Variants in LAP3 observed in about 807,000 individuals in gnomAD.
LAP3 encodes the protein cytosol aminopeptidase.
LAP3 carries 46 observed loss-of-function variants against 58.8 expected under a neutral mutation model. The observed-to-expected ratio is 0.78, with a 90% CI of 0.62 to 1.00. LAP3 has a LOEUF of 1.00. LAP3 is among the 50% of genes least tolerant of loss of function. The pLI, the probability that LAP3 is intolerant of heterozygous loss-of-function variation, is 0.00. For synonymous variants in LAP3, 257 were observed against 237.7 expected, an observed-to-expected ratio of 1.08 and a Z score of -0.75; for missense variants, 615 against 659.1, an observed-to-expected ratio of 0.93 and a Z score of 0.73.
intron 11 of LAP3, among the ~76,000 whole-genome samples, chr4:17,605,711 G>A (rs949971132): frequency 1.3e-5 from 2 of 151,922 alleles, no homozygotes; most frequent in East Asian, 1.9e-4. Context: ...CTTCCAGGCC[G>A]GGCCAGGAAC....
chr4:17,607,046 T>C, intron 12 of LAP3, 108 bp downstream of exon 12: 1 of 667,244 alleles, frequency 1.5e-6, no homozygotes, highest in Non-Finnish European at 2.5e-6. Context: ...TTAATTTCCT[T>C]TTGGTGTAGT....
At chr4:17,591,943 C>T (rs575707020) in intron 7 of LAP3, among the ~76,000 whole-genome samples, 4 of 144,792 alleles carry the variant, frequency 2.8e-5, no homozygotes, top group Non-Finnish European at 6.0e-5. Flanking sequence ...AAGTGGCCAG[C>T]TCAATGAGTT....
chr4:17,585,291 G>A, intron 6 of LAP3, 155 bp downstream of exon 6: 1 of 587,828 alleles, frequency 1.7e-6, no homozygotes, highest in Non-Finnish European at 3.0e-6. Flanking sequence ...GAATAGAGCT[G>A]AGTTTGAGGT....
At position 17,577,477 on chromosome 4, in the gene LAP3, G is replaced by A. The variant is rs746748058; in HGVS notation, c.12G>A (p.Leu4=). 4 of 1,579,262 alleles carry A rather than the reference G, an allele frequency of 2.5e-6. No homozygotes were observed. Among genetic ancestry groups the A allele is most frequent in the Non-Finnish European group, 3.4e-6 (4 of 1,164,426 alleles). Residue 4 remains leucine (L), a synonymous_variant, in exon 1 of 13, where the codon CTG becomes CTA. Transcript: ENST00000226299. ...GCCGAGCCGACAAGATGTTCTTGCTGCCTCTTCCGGCTGCGGGGCGAGTAG... is the reference window on the plus strand; with the variant it reads ...GCCGAGCCGACAAGATGTTCTTGCTACCTCTTCCGGCTGCGGGGCGAGTAG... MFL[L]PLPAAGRVVV... is the part of the protein sequence containing the mutation.
chr4:17,605,446 G>A (rs1714101942), intron 11 of LAP3, among the ~76,000 whole-genome samples: 1 of 152,174 alleles, frequency 6.6e-6, no homozygotes, highest in South Asian at 2.1e-4. Context: ...TCTCTCCCGA[G>A]TCCCAGCCTC....
rs1306852820 is a variant in LAP3, at chr4:17,582,351, A to G, written c.337A>G (p.Asn113Asp). The G allele has an allele frequency of 9.3e-6, 15 of 1,614,028 alleles. No individual in the cohort carries two copies. Among genetic ancestry groups the G allele is most frequent in the Non-Finnish European group, 1.3e-5 (15 of 1,180,016 alleles). The change falls in exon 4 of 13, where the codon AAC (asparagine) becomes GAC (aspartate). Residue 113 changes from asparagine to aspartate, a missense_variant. Coordinates refer to ENST00000226299, the MANE Select transcript of LAP3 (RefSeq NM_015907.3). ...KKAAGIDEQENWHEGKENIRA... is the reference protein window; with the variant it reads ...KKAAGIDEQEDWHEGKENIRA... The stretch of plus-strand genomic sequence containing the variant: ...GGCAGCTGGAATCGACGAACAGGAA[A>G]ACTGGCATGAAGGCAAAGAAAACAT...
chr4:17,588,815 A>G lies in LAP3; in HGVS notation c.705-4A>G, dbSNP rs767401355. 29 of 1,612,974 alleles carry G rather than the reference A, an allele frequency of 1.8e-5. No homozygotes were observed. Among genetic ancestry groups the G allele is most frequent in the Non-Finnish European group, 2.5e-5 (29 of 1,179,358 alleles). The stretch of plus-strand genomic sequence containing the variant: ...TTTACTTTTTCCCTCTTTCTACCCT[A>G]TAGACCCAAGTCTTGGATTGAGGAA... On this transcript the variant is annotated splice_polypyrimidine_tract_variant and splice_region_variant and intron_variant, in intron 6 of 12. Transcript: ENST00000226299.
At chr4:17,582,996 C>T (rs911959613) in intron 4 of LAP3, among the ~76,000 whole-genome samples, 1 of 152,218 alleles carries the variant, frequency 6.6e-6, no homozygotes, top group South Asian at 2.1e-4. Context: ...AACTTTACTT[C>T]AAATATCATT....
chr4:17,598,910 T>C (rs776769212), intron 10 of LAP3, among the ~76,000 whole-genome samples: 3 of 151,990 alleles, frequency 2.0e-5, no homozygotes, highest in Non-Finnish European at 4.4e-5. Context: ...CGAATTTTTG[T>C]ATTTTTAGTA....
chr4:17,596,080 G>C (rs950832707), intron 8 of LAP3, among the ~76,000 whole-genome samples: 2 of 152,062 alleles, frequency 1.3e-5, no homozygotes, highest in African/African-American at 2.4e-5. Flanking sequence ...ATAATGCCCT[G>C]ACTCTTGTCC....
At chr4:17,578,517 A>T (rs1047062620) in intron 1 of LAP3, among the ~76,000 whole-genome samples, 14 of 144,754 alleles carry the variant, frequency 9.7e-5, no homozygotes, top group African/African-American at 3.3e-4. Flanking sequence ...CTGGGCGGGA[A>T]GACATCTGGA....
chr4:17,590,172 G>C (rs908389944), intron 7 of LAP3, among the ~76,000 whole-genome samples: 2 of 152,106 alleles, frequency 1.3e-5, no homozygotes, highest in Non-Finnish European at 2.9e-5. Context: ...GACTTCTCAG[G>C]GTACAGAATA....
At chr4:17,583,033 A>G (rs1713404437) in intron 4 of LAP3, among the ~76,000 whole-genome samples, 1 of 152,142 alleles carries the variant, frequency 6.6e-6, no homozygotes, top group African/African-American at 2.4e-5. Context: ...AACTTTTGAG[A>G]GTTTTTGCTG....
At chr4:17,591,367 TC>T (rs1713686382) in intron 7 of LAP3, among the ~76,000 whole-genome samples, 1 of 150,686 alleles carries the variant, frequency 6.6e-6, no homozygotes, top group African/African-American at 2.4e-5. Flanking sequence ...CGTCTCAAAC[TC>T]CTGATCTCGT....
chr4:17,596,084 C>T lies in LAP3; in HGVS notation c.988+550C>T, dbSNP rs58621129. On this transcript the variant is annotated intron_variant, in intron 8 of 12. Transcript: ENST00000226299. ...TAGGTTAAATAATAATGCCCTGACT[C>T]TTGTCCATTGCACAAGGAAGGTAGA... 3.1e-3 allele frequency among the ~76,000 whole-genome samples: 474 copies of T among 152,230 alleles called. 3 individuals carry two copies. Among genetic ancestry groups the T allele is most frequent in the African/African-American group, 0.011 (444 of 41,546 alleles).
At chr4:17,603,671 C>T (rs905423196) in intron 10 of LAP3, among the ~76,000 whole-genome samples, 5 of 150,858 alleles carry the variant, frequency 3.3e-5, no homozygotes, top group Admixed American at 2.6e-4. Flanking sequence ...ATGCACCCCA[C>T]GCCCGACTAA....
At chr4:17,587,657 C>T (rs1408555251) in intron 6 of LAP3, 1 of 152,204 alleles carries the variant, frequency 6.6e-6, no homozygotes, top group African/African-American at 2.4e-5. Context: ...GAAATCAATA[C>T]AAAGCCCTTT....
At chr4:17,595,356 G>A in intron 7 of LAP3, 54 bp from the exon 8 acceptor site, 1 of 1,594,962 alleles carries the variant, frequency 6.3e-7, no homozygotes, top group East Asian at 2.3e-5. Flanking sequence ...TAAATAAAGT[G>A]ATTTTGGCCA....
rs1400403169 is a variant in LAP3, at chr4:17,577,273, G to T, written c.-193G>T. 2 of 90,776 alleles carry T rather than the reference G, an allele frequency of 2.2e-5. No individual in the cohort carries two copies. Among genetic ancestry groups the T allele is most frequent in the South Asian group, 1.5e-4 (1 of 6,810 alleles). The allele number at this position is 90,776 out of a possible 1,614,324, so 5.6% of individuals were successfully genotyped here. ...ACCCTTGAGTCCCCTCCACAACCGC[G>T]GTTTGATCCCAGCGGTCCAGTCGGC... On this transcript the variant is annotated 5_prime_UTR_variant, in exon 1 of 13. Transcript: ENST00000226299.
Sources: gnomAD v4.1 joint callset for allele counts (sites outside exome capture counted in the v4.1 genomes callset) on GRCh38, gnomAD v4.1.1 for gene constraint, MANE v1.5 for transcripts, NCBI Gene and HGNC (gene_info 2026-07-23, HGNC 2026-07-21) for gene names.